The following ADCY2 variants were observed in gnomAD, a reference collection of about 807,000 sequenced individuals.
ADCY2 encodes adenylate cyclase 2.
In ADCY2, 31 loss-of-function variants were observed where a neutral mutation model predicts 125.2. That is an observed-to-expected ratio of 0.25 (90% CI 0.19 to 0.33). The LOEUF is 0.33. Ranked by LOEUF, ADCY2 falls within the 10% of genes least tolerant of loss-of-function variation. The probability of loss-of-function intolerance (pLI) is 1.00; values close to 1 mark genes in which losing one functional copy is unlikely to be tolerated. For synonymous variants in ADCY2, 512 were observed against 548.4 expected (o/e 0.93, Z 0.93); for missense variants, 904 against 1,418.2 (o/e 0.64, Z 5.82).
chr5:7,810,224 A>G (rs1180531522), intron 22 of ADCY2, among the ~76,000 whole-genome samples: 1 of 152,070 alleles, frequency 6.6e-6, no homozygotes. Flanking sequence ...TGGGTTATCT[A>G]CCTGATTGGT....
At chr5:7,674,971 T>C (rs191434380) in intron 4 of ADCY2, among the ~76,000 whole-genome samples, 2,506 of 152,096 alleles carry the variant, frequency 0.016, 71 homozygotes, top group African/African-American at 0.056. Flanking sequence ...CTGGCTAACA[T>C]GGTGAAACTC....
chr5:7,753,640 T>C (rs150057203), intron 15 of ADCY2, among the ~76,000 whole-genome samples: 2,577 of 152,238 alleles, frequency 0.017, 32 homozygotes, highest in Admixed American at 0.039. Flanking sequence ...AAGAGCCAAG[T>C]TGTAATTTTT....
At chr5:7,576,593 TGTGC>T (rs1366484529) in intron 3 of ADCY2, among the ~76,000 whole-genome samples, 1 of 152,246 alleles carries the variant, frequency 6.6e-6, no homozygotes, top group Non-Finnish European at 1.5e-5. Flanking sequence ...GTGCTTGCTG[TGTGC>T]CAGACACTAG....
At chr5:7,432,708 C>A (rs1740648774) in intron 2 of ADCY2, among the ~76,000 whole-genome samples, 1 of 152,220 alleles carries the variant, frequency 6.6e-6, no homozygotes, top group Non-Finnish European at 1.5e-5. Flanking sequence ...CAGTGAAGTA[C>A]TGCTATGTAC....
intron 15 of ADCY2, among the ~76,000 whole-genome samples, chr5:7,754,710 C>CA (rs1194299349): frequency 9.4e-5 from 7 of 74,648 alleles, no homozygotes; most frequent in African/African-American, 3.7e-4. Context: ...AAGGTAATGG[C>CA]AAAAAACAAA....
intron 2 of ADCY2, among the ~76,000 whole-genome samples, chr5:7,449,732 T>C (rs1741403070): frequency 6.6e-6 from 1 of 152,204 alleles, no homozygotes; most frequent in Non-Finnish European, 1.5e-5. Flanking sequence ...AGATACTGAA[T>C]TTTTTACAAA....
Position 7,460,609 on chromosome 5 carries a change from A to G in ADCY2, c.408+45839A>G, listed in dbSNP as rs115556694. ...GTGGTTGGTGTGTTTCTTACAAGCAATCTTCAAAATGAAGGTGTCAAGGAG... is the reference window on the plus strand; with the variant it reads ...GTGGTTGGTGTGTTTCTTACAAGCAGTCTTCAAAATGAAGGTGTCAAGGAG... On this transcript the variant is annotated intron_variant, in intron 2 of 24. Coordinates refer to ENST00000338316, the MANE Select transcript of ADCY2 (RefSeq NM_020546.3). 4.8e-3 allele frequency among the ~76,000 whole-genome samples: 724 copies of G among 152,298 alleles called. 7 individuals carry two copies. The highest frequency in any genetic ancestry group is 0.017 in the African/African-American group (701 of 41,562).
At chr5:7,795,755 T>A (rs959677995) in intron 20 of ADCY2, 1 of 152,240 alleles carries the variant, frequency 6.6e-6, no homozygotes. Context: ...ACCTCTGCAA[T>A]AAAGTGAATA....
intron 2 of ADCY2, among the ~76,000 whole-genome samples, chr5:7,519,760 A>G (rs1744375501): frequency 6.6e-6 from 1 of 152,154 alleles, no homozygotes; most frequent in Non-Finnish European, 1.5e-5. Context: ...AGAAGTTTTC[A>G]TCATCCCCGA....
At chr5:7,774,477 A>G (rs947717822) in intron 18 of ADCY2, among the ~76,000 whole-genome samples, 1 of 152,208 alleles carries the variant, frequency 6.6e-6, no homozygotes, top group Non-Finnish European at 1.5e-5. Context: ...TAACGCTACT[A>G]AGTTTCCTTT....
At chr5:7,556,763 G>T (rs1735519260) in intron 3 of ADCY2, among the ~76,000 whole-genome samples, 1 of 152,092 alleles carries the variant, frequency 6.6e-6, no homozygotes, top group South Asian at 2.1e-4. Context: ...CATAAGAGCG[G>T]GAACCCTATT....
At chr5:7,465,353 G>A (rs1202963832) in intron 2 of ADCY2, among the ~76,000 whole-genome samples, 1 of 152,160 alleles carries the variant, frequency 6.6e-6, no homozygotes, top group Non-Finnish European at 1.5e-5. Context: ...TGCGTCCTAA[G>A]TCCAGTAAGC....
At chr5:7,476,429 G>A (rs1009308054) in intron 2 of ADCY2, among the ~76,000 whole-genome samples, 5 of 152,182 alleles carry the variant, frequency 3.3e-5, no homozygotes, top group African/African-American at 1.2e-4. Context: ...GGGAGTTGGC[G>A]ATGCCAGAGT....
At chr5:7,551,695 G>A (rs1203323712) in intron 3 of ADCY2, among the ~76,000 whole-genome samples, 2 of 152,164 alleles carry the variant, frequency 1.3e-5, no homozygotes, top group Non-Finnish European at 2.9e-5. Context: ...AACAAAACCA[G>A]TATCAGTGTT....
intron 2 of ADCY2, among the ~76,000 whole-genome samples, chr5:7,515,860 A>ATAAATGGGGACTTTAAATGC (rs1368619422): frequency 2.0e-5 from 3 of 152,186 alleles, no homozygotes. Context: ...AAATTAACAA[A>ATAAATGGGGACTTTAAATGC]TAAATGGGGA....
intron 2 of ADCY2, among the ~76,000 whole-genome samples, chr5:7,476,992 G>T (rs930965156): frequency 2.0e-5 from 3 of 152,106 alleles, no homozygotes; most frequent in African/African-American, 7.2e-5. Context: ...ATTACTTTGT[G>T]TCCAAGAAAC....
intron 1 of ADCY2, among the ~76,000 whole-genome samples, chr5:7,411,690 A>G (rs1739723182): frequency 6.6e-6 from 1 of 152,200 alleles, no homozygotes; most frequent in Non-Finnish European, 1.5e-5. Context: ...GAGAGTTTAC[A>G]ATTTAGAACC....
At chr5:7,592,589 A>G (rs999753569) in intron 3 of ADCY2, among the ~76,000 whole-genome samples, 3 of 152,180 alleles carry the variant, frequency 2.0e-5, no homozygotes, top group East Asian at 1.9e-4. Flanking sequence ...TCTTGAGAAT[A>G]TATAAGAAAA....
Position 7,547,858 on chromosome 5 carries a change from G to A in ADCY2, c.570+26959G>A, listed in dbSNP as rs543996296. ...GACTATGCAAGTCGTCCGTCCTGGA[G>A]GGACTTTCCCACAGCTCACTGCTTT... On this transcript the variant is annotated intron_variant, in intron 3 of 24. Coordinates refer to ENST00000338316, the MANE Select transcript of ADCY2 (RefSeq NM_020546.3). Among the ~76,000 whole-genome samples, 13 of 152,320 alleles carry A rather than the reference G, an allele frequency of 8.5e-5. 1 individual carries two copies. The South Asian group carries it at 2.7e-3, about 32-fold the overall frequency.
Sources: allele counts gnomAD v4.1 joint callset (sites outside exome capture counted in the v4.1 genomes callset), GRCh38; gene constraint gnomAD v4.1.1; transcripts MANE v1.5; gene names NCBI Gene and HGNC (gene_info 2026-07-23, HGNC 2026-07-21).